Variants in VWCE observed in about 807,000 individuals in gnomAD.
VWCE encodes the protein von Willebrand factor C and EGF domains.
In VWCE, 68 loss-of-function variants were observed where a neutral mutation model predicts 102.9. The observed-to-expected ratio is 0.66, with a 90% CI of 0.54 to 0.81. VWCE has a LOEUF of 0.81. VWCE is among the 30% of genes least tolerant of loss of function. The pLI, the probability that VWCE is intolerant of heterozygous loss-of-function variation, is 0.00. For missense variants in VWCE, 1,137 were observed against 1,263.6 expected, an observed-to-expected ratio of 0.90 and a Z score of 1.52; for synonymous variants, 497 against 515.4, an observed-to-expected ratio of 0.96 and a Z score of 0.48.
chr11:61,291,712 C>A, intron 1 of VWCE, 136 bp from the exon 2 acceptor site: 1 of 737,452 alleles, frequency 1.4e-6, no homozygotes, highest in South Asian at 4.0e-5. Context: ...TGGGAAGTTT[C>A]CAAAGAAAAA....
intron 11 of VWCE, among the ~76,000 whole-genome samples, chr11:61,274,979 C>T (rs1297430637): frequency 6.6e-6 from 1 of 152,098 alleles, no homozygotes; most frequent in Non-Finnish European, 1.5e-5. Flanking sequence ...AGGAGGATGG[C>T]TTGAAACCAG....
In VWCE at chr11:61,280,716, T is replaced by C. The variant is rs903972973; in HGVS notation, c.1232A>G (p.Asp411Gly). 2.5e-6 allele frequency: 4 copies of C among 1,613,772 alleles called. No homozygotes were observed. The highest frequency in any genetic ancestry group is 1.6e-4 in the Middle Eastern group (1 of 6,084). Residue 411 changes from aspartate to glycine, a missense_variant and splice_region_variant, in exon 9 of 20, where the codon GAC (aspartate) becomes GGC (glycine). This residue lies in a region of VWCE where 575 missense variants were observed against 625.9 expected (regional missense o/e 0.92). Transcript: ENST00000335613. ...CACCTTTTCACAGGTCACCTTCCCG[T>C]CCTAGAAGCACAAGCAGGAGTTAGA... ...EPGCSQCWCE[D>G]GKVTCEKVRC...
chr11:61,291,259 G>A lies in VWCE; in HGVS notation c.295+5C>T, dbSNP rs1393190617. On this transcript the variant is annotated splice_donor_5th_base_variant and intron_variant, in intron 3 of 19. Coordinates refer to ENST00000335613, the MANE Select transcript of VWCE (RefSeq NM_152718.2). ...TCCCATCAGCCCCTTCCCATCCCCA[G>A]TTACCTGGGCAGGTGGCCCCTTGCT... 5 of 1,571,240 alleles carry A rather than the reference G, an allele frequency of 3.2e-6. No individual in the cohort carries two copies. The highest frequency in any genetic ancestry group is 3.6e-5 in the Admixed American group (2 of 56,106).
Position 61,258,769 on chromosome 11 carries a change from G to C in VWCE, c.2774C>G (p.Thr925Ser). 2.7e-6 allele frequency: 4 copies of C among 1,494,072 alleles called. No homozygotes were observed. Among genetic ancestry groups the C allele is most frequent in the Non-Finnish European group, 3.6e-6 (4 of 1,123,098 alleles). 92.6% of individuals were successfully genotyped at this position (1,494,072 alleles called of 1,614,324 possible). A position where few individuals can be genotyped will look rare whatever the true frequency, so the allele number is the denominator to read the frequency against. The change falls in exon 20 of 20, where the codon ACC becomes AGC. Residue 925 changes from threonine to serine, a missense_variant. By Grantham distance (58) the Thr-to-Ser change is moderately conservative (BLOSUM62 1). Transcript: ENST00000335613. ...TGCAAGGGCTGTGGAGAGTCTAGAGGTGGTGGGAGAAAGCACGCGAGGCCC... is the reference window on the plus strand; with the variant it reads ...TGCAAGGGCTGTGGAGAGTCTAGAGCTGGTGGGAGAAAGCACGCGAGGCCC... ...LLGPRVLSPTTSRLSTALAAT... is the reference protein window; with the variant it reads ...LLGPRVLSPTSSRLSTALAAT...
At chr11:61,274,647 G>A in intron 11 of VWCE, 63 bp from the exon 12 acceptor site, 2 of 1,484,772 alleles carry the variant, frequency 1.3e-6, no homozygotes, top group Non-Finnish European at 1.9e-6. Flanking sequence ...AAGAAAGGGG[G>A]GAACAAATGG....
In VWCE at chr11:61,290,911, A is replaced by C; in HGVS notation, c.312T>G (p.Cys104Trp). ...AGGTAAGGTCACAGCCGTACTCCCC[A>C]CATGGTCCATGGGTTTCTAGAGCAG... ...GATCPETHGP[C>W]GEYGCDLTCN... The change falls in exon 4 of 20, where the codon TGT becomes TGG. Residue 104 changes from cysteine to tryptophan, a missense_variant. Cys to Trp is a radical substitution (Grantham distance 215, BLOSUM62 -2). Coordinates refer to ENST00000335613, the MANE Select transcript of VWCE (RefSeq NM_152718.2). 2 of 1,613,656 alleles carry C rather than the reference A, an allele frequency of 1.2e-6. No individual in the cohort carries two copies. Among genetic ancestry groups the C allele is most frequent in the Non-Finnish European group, 1.7e-6 (2 of 1,179,930 alleles).
chr11:61,277,168 AGGAGGGAG>A (rs200951020), intron 10 of VWCE, among the ~76,000 whole-genome samples: 12 of 73,616 alleles, frequency 1.6e-4, no homozygotes, highest in East Asian at 3.7e-4. Context: ...GAGAGAAAAA[AGGAGGGAG>A]GGAGGGAGGG....
At chr11:61,259,391 G>C (rs537298694) in intron 19 of VWCE, 79 bp from the exon 20 acceptor site, 2 of 1,494,252 alleles carry the variant, frequency 1.3e-6, no homozygotes, top group South Asian at 2.7e-5. Flanking sequence ...GGTATACCAG[G>C]GACACCCAAG....
chr11:61,267,621 G>A (rs539315690), intron 15 of VWCE, 77 bp from the exon 16 acceptor site: 1 of 1,418,996 alleles, frequency 7.0e-7, no homozygotes, highest in Admixed American at 1.7e-5. Context: ...CAAGGTCACA[G>A]GCTTATCTGG....
At chr11:61,281,381 T>C in intron 7 of VWCE, 146 bp from the exon 8 acceptor site, 2 of 997,880 alleles carry the variant, frequency 2.0e-6, no homozygotes, top group East Asian at 2.7e-5. Context: ...ATGGGGACAC[T>C]GTCGCCGTTT....
chr11:61,278,579 T>G, intron 9 of VWCE, 103 bp from the exon 10 acceptor site: 1 of 1,074,782 alleles, frequency 9.3e-7, no homozygotes, highest in East Asian at 2.5e-5. Context: ...GAACATTCTC[T>G]CACTGCCCTA....
At position 61,268,956 on chromosome 11, in the gene VWCE, C is replaced by A; in HGVS notation, c.1848G>T (p.Arg616=). ...DCVDSCPHPI[R]IPGQCCPDCS... is the part of the protein sequence containing the mutation. The stretch of plus-strand genomic sequence containing the variant: ...AGTCTGGGCAGCACTGTCCAGGGAT[C>A]CGGATCGGGTGAGGGCAGGAGTCCA... Residue 616 remains arginine (R), a synonymous_variant, in exon 15 of 20, where the codon CGG becomes CGT. Transcript: ENST00000335613. The A allele has an allele frequency of 6.2e-7, 1 of 1,614,138 alleles. No individual in the cohort carries two copies. Among genetic ancestry groups the A allele is most frequent in the Non-Finnish European group, 8.5e-7 (1 of 1,180,038 alleles).
chr11:61,282,015 T>C (rs1855159576), intron 6 of VWCE, 101 bp from the exon 7 acceptor site: 1 of 1,517,316 alleles, frequency 6.6e-7, no homozygotes, highest in East Asian at 2.4e-5. Flanking sequence ...TTCTCTGCCA[T>C]GTTCTTACAG....
Position 61,264,679 on chromosome 11 carries a change from A to G in VWCE, c.2140-102T>C, listed in dbSNP as rs970839147. The G allele has an allele frequency of 3.1e-6, 4 of 1,284,070 alleles. No homozygotes were observed. The African/African-American group carries it at 5.9e-5, about 19-fold the overall frequency. 79.5% of individuals were successfully genotyped at this position (1,284,070 alleles called of 1,614,324 possible). A position where few individuals can be genotyped will look rare whatever the true frequency, so the allele number is the denominator to read the frequency against. On this transcript the variant is annotated intron_variant, in intron 18 of 19. Transcript: ENST00000335613. Reference sequence around the variant, plus strand: ...TGCACCAGCAGCAGGACCCACGGAAAGATCCCAGGACAGAGGCTGCAGTGC... The same window carrying G: ...TGCACCAGCAGCAGGACCCACGGAAGGATCCCAGGACAGAGGCTGCAGTGC...
rs1302433074 is a variant in VWCE, at chr11:61,286,516, T to C, written c.425-86A>G. The C allele has an allele frequency of 5.3e-6, 7 of 1,317,864 alleles. 1 individual carries two copies. The Admixed American group carries it at 1.0e-4, about 20-fold the overall frequency. The allele number at this position is 1,317,864 out of a possible 1,614,324, so 81.6% of individuals were successfully genotyped here. A position where few individuals can be genotyped will look rare whatever the true frequency, so the allele number is the denominator to read the frequency against. On this transcript the variant is annotated intron_variant, in intron 4 of 19. Transcript: ENST00000335613. Reference sequence around the variant, plus strand: ...GTCAGTGTCTGGGAAGAAAGCACCCTTGCAGGCCGGGCATGGTGGCTCACG... The same window carrying C: ...GTCAGTGTCTGGGAAGAAAGCACCCCTGCAGGCCGGGCATGGTGGCTCACG...
intron 5 of VWCE, among the ~76,000 whole-genome samples, chr11:61,285,816 C>T (rs2134834165): frequency 6.6e-6 from 1 of 152,320 alleles, no homozygotes; most frequent in South Asian, 2.1e-4. Flanking sequence ...TGCAGTGGTG[C>T]AATTTCGGCT....
chr11:61,278,304 A>G, intron 10 of VWCE, 90 bp downstream of exon 10: 1 of 1,394,600 alleles, frequency 7.2e-7, no homozygotes, highest in Non-Finnish European at 1.0e-6. Context: ...CAACAAGCTC[A>G]CCTTTAACAT....
At position 61,294,869 on chromosome 11, in the gene VWCE, A is replaced by AGCGCGC; in HGVS notation, c.110+58_110+59insGCGCGC. On this transcript the variant is annotated intron_variant, in intron 1 of 19. Transcript: ENST00000335613. The surrounding 1 kb of genome is among the most constrained non-coding windows in gnomAD (Gnocchi z 6.3). Reference sequence around the variant, plus strand: ...CCTGAGCGCCCCTCCGCGCCTCTCGACTGCACGCCGGTAGCGCTCTCCCGG... The same window carrying AGCGCGC: ...CCTGAGCGCCCCTCCGCGCCTCTCGAGCGCGCCTGCACGCCGGTAGCGCTCTCCCGG... The AGCGCGC allele has an allele frequency of 2.5e-6, 3 of 1,217,838 alleles. No homozygotes were observed. In the South Asian group the frequency reaches 6.8e-5, roughly 28 times the overall value. The allele number at this position is 1,217,838 out of a possible 1,614,324, so 75.4% of individuals were successfully genotyped here.
chr11:61,284,135 G>T (rs1855233175), intron 5 of VWCE, among the ~76,000 whole-genome samples: 1 of 151,980 alleles, frequency 6.6e-6, no homozygotes, highest in African/African-American at 2.4e-5. Context: ...GGCCAAAGCG[G>T]GAAGGATAGC....
Sources: gnomAD v4.1 joint callset for allele counts (sites outside exome capture counted in the v4.1 genomes callset) on GRCh38, gnomAD v4.1.1 for gene constraint, gnomAD v4.1.1 regional missense constraint, Gnocchi (gnomAD v3.1) non-coding constraint, MANE v1.5 for transcripts, NCBI Gene and HGNC (gene_info 2026-07-23, HGNC 2026-07-21) for gene names.